The following L3MBTL4 variants were observed in gnomAD, a reference collection of about 807,000 sequenced individuals.
The protein encoded by L3MBTL4 is L3MBTL histone methyl-lysine binding protein 4, also known as lethal(3)malignant brain tumor-like protein 4.
L3MBTL4 carries 70 observed loss-of-function variants against 84.5 expected under a neutral mutation model. The observed-to-expected ratio is 0.83, with a 90% confidence interval of 0.68 to 1.01. L3MBTL4 has a LOEUF of 1.01. L3MBTL4 is among the 50% of genes least tolerant of loss of function. The pLI is 0.00. For synonymous variants in L3MBTL4, 274 were observed against 259.8 expected (o/e 1.05, Z -0.52); for missense variants, 715 against 754.8 (o/e 0.95, Z 0.62).
At chr18:6,157,056 G>A (rs1417219483) in intron 13 of L3MBTL4, among the ~76,000 whole-genome samples, 3 of 152,154 alleles carry the variant, frequency 2.0e-5, no homozygotes, top group Admixed American at 2.0e-4. Context: ...CATTATGACT[G>A]TAAGTACATT....
At chr18:6,301,985 G>T in intron 3 of L3MBTL4, 28 bp from the exon 4 acceptor site, 1 of 1,554,386 alleles carries the variant, frequency 6.4e-7, no homozygotes, top group Non-Finnish European at 8.9e-7. Flanking sequence ...GTGTTTAGAT[G>T]GTATTGCTGG....
chr18:6,203,305 T>G (rs1175968245), intron 12 of L3MBTL4, among the ~76,000 whole-genome samples: 3 of 152,202 alleles, frequency 2.0e-5, no homozygotes, highest in Admixed American at 6.5e-5. Flanking sequence ...GATAGCCGAC[T>G]CCTCCCACAT....
At position 6,264,039 on chromosome 18, in the gene L3MBTL4, C is replaced by T. The variant is rs747714893; in HGVS notation, c.128-1G>A. The T allele has an allele frequency of 6.2e-7, 1 of 1,606,114 alleles. No homozygotes were observed. Among genetic ancestry groups the T allele is most frequent in the Non-Finnish European group, 8.5e-7 (1 of 1,172,928 alleles). ...GCTCCCTGTGCAGCCGCTGAAGGGACTGGAAGAGAAAACACAATGACTTTT... is the reference window on the plus strand; with the variant it reads ...GCTCCCTGTGCAGCCGCTGAAGGGATTGGAAGAGAAAACACAATGACTTTT... On this transcript the variant is annotated splice_acceptor_variant, in intron 4 of 18. Coordinates refer to ENST00000317931, the MANE Select transcript of L3MBTL4 (RefSeq NM_001330559.2). LOFTEE classifies it high-confidence loss of function.
intron 16 of L3MBTL4, among the ~76,000 whole-genome samples, chr18:6,071,828 GAA>G (rs1568067306): frequency 2.2e-4 from 30 of 133,468 alleles, no homozygotes; most frequent in African/African-American, 9.8e-4. Context: ...AAGAAAGAAA[GAA>G]AGAAAGAGAA....
At chr18:6,382,762 G>A (rs911683477) in intron 1 of L3MBTL4, among the ~76,000 whole-genome samples, 1 of 152,218 alleles carries the variant, frequency 6.6e-6, no homozygotes, top group East Asian at 1.9e-4. Flanking sequence ...CCTACTCGGA[G>A]ATGTCTCCCA....
intron 12 of L3MBTL4, among the ~76,000 whole-genome samples, chr18:6,173,266 C>T (rs989552127): frequency 6.6e-6 from 1 of 152,074 alleles, no homozygotes; most frequent in African/African-American, 2.4e-5. Flanking sequence ...TTTCGGACAT[C>T]GGACAATAGG....
intron 1 of L3MBTL4, among the ~76,000 whole-genome samples, chr18:6,378,203 A>G (rs1417986247): frequency 6.6e-6 from 1 of 152,130 alleles, no homozygotes; most frequent in Non-Finnish European, 1.5e-5. Flanking sequence ...AGTTCTTTGT[A>G]GATTCTGGAT....
At chr18:5,998,742 T>G (rs1319344462) in intron 16 of L3MBTL4, among the ~76,000 whole-genome samples, 1 of 152,104 alleles carries the variant, frequency 6.6e-6, no homozygotes, top group African/African-American at 2.4e-5. Context: ...TACTCAACCT[T>G]TGCTGTTTTC....
intron 1 of L3MBTL4, among the ~76,000 whole-genome samples, chr18:6,342,585 A>G (rs763522199): frequency 1.3e-5 from 2 of 152,158 alleles, no homozygotes; most frequent in Non-Finnish European, 2.9e-5. Context: ...TAGGTATTTA[A>G]AAGAGAAAGA....
intron 1 of L3MBTL4, chr18:6,396,828 AT>A (rs1249447539): frequency 6.6e-6 from 1 of 152,232 alleles, no homozygotes; most frequent in African/African-American, 2.4e-5. Flanking sequence ...TTATAAAGTC[AT>A]TTGATCTTCA....
intron 16 of L3MBTL4, among the ~76,000 whole-genome samples, chr18:6,061,113 G>A (rs1486104705): frequency 6.6e-6 from 1 of 152,134 alleles, no homozygotes; most frequent in Non-Finnish European, 1.5e-5. Flanking sequence ...CAAAGCGGCT[G>A]TACCATTTTG....
intron 14 of L3MBTL4, among the ~76,000 whole-genome samples, chr18:6,105,266 C>T (rs137915834): frequency 0.034 from 5,066 of 148,342 alleles, 117 homozygotes; most frequent in Admixed American, 0.061. Flanking sequence ...TCTCAGCTCA[C>T]GGCAACCTCC....
At chr18:6,377,577 G>A (rs2054419764) in intron 1 of L3MBTL4, among the ~76,000 whole-genome samples, 2 of 152,044 alleles carry the variant, frequency 1.3e-5, no homozygotes, top group Admixed American at 6.5e-5. Context: ...GTGGTGTTTG[G>A]TTTTCTGTTC....
intron 5 of L3MBTL4, 49 bp downstream of exon 5, chr18:6,263,898 C>G: frequency 8.1e-7 from 1 of 1,230,450 alleles, no homozygotes; most frequent in South Asian, 1.2e-5. Context: ...TAAACTAAAC[C>G]TCTTAAGTGT....
At chr18:6,080,528 A>G (rs1344662107) in intron 16 of L3MBTL4, among the ~76,000 whole-genome samples, 1 of 152,180 alleles carries the variant, frequency 6.6e-6, no homozygotes, top group Non-Finnish European at 1.5e-5. Flanking sequence ...CCACCTTCAC[A>G]AGTTCAGTGA....
chr18:6,293,653 A>C (rs954469092), intron 4 of L3MBTL4, among the ~76,000 whole-genome samples: 36 of 152,364 alleles, frequency 2.4e-4, no homozygotes, highest in Admixed American at 2.1e-3. Context: ...ACACTACCTT[A>C]ATCAAGAAAT....
At chr18:6,135,593 G>T (rs1298599133) in intron 14 of L3MBTL4, among the ~76,000 whole-genome samples, 2 of 151,936 alleles carry the variant, frequency 1.3e-5, no homozygotes, top group East Asian at 3.9e-4. Flanking sequence ...TAGGGCAAGG[G>T]CAAGATGCTG....
chr18:6,051,390 C>T lies in L3MBTL4; in HGVS notation c.1444+29491G>A, dbSNP rs2056833247. Among the ~76,000 whole-genome samples the T allele has an allele frequency of 2.0e-5, 3 of 152,102 alleles. 1 individual carries two copies. In the South Asian group the frequency reaches 6.2e-4, roughly 32 times the overall value. ...CCCGTCTCTACTAAAAATACAAAAACTAGCCAGGCATGATGGCGCATGCCT... is the reference window on the plus strand; with the variant it reads ...CCCGTCTCTACTAAAAATACAAAAATTAGCCAGGCATGATGGCGCATGCCT... On this transcript the variant is annotated intron_variant, in intron 16 of 18. Coordinates refer to ENST00000317931, the MANE Select transcript of L3MBTL4 (RefSeq NM_001330559.2).
At chr18:6,051,403 A>C (rs2056833819) in intron 16 of L3MBTL4, among the ~76,000 whole-genome samples, 1 of 152,020 alleles carries the variant, frequency 6.6e-6, no homozygotes, top group Admixed American at 6.6e-5. Context: ...GCCAGGCATG[A>C]TGGCGCATGC....
Sources: allele counts gnomAD v4.1 joint callset (sites outside exome capture counted in the v4.1 genomes callset), GRCh38; gene constraint gnomAD v4.1.1; transcripts MANE v1.5; gene names NCBI Gene and HGNC (gene_info 2026-07-23, HGNC 2026-07-21).